Variants in DTHD1 observed in about 807,000 individuals in gnomAD.
The protein encoded by DTHD1 is death domain containing 1.
In DTHD1, 59 loss-of-function variants were observed where a neutral mutation model predicts 74.8. The ratio of observed to expected loss-of-function variants is 0.79; its 90% CI spans 0.64 to 0.98. The LOEUF (loss-of-function observed/expected upper bound fraction) is 0.98. DTHD1 is among the 50% of genes least tolerant of loss of function. The probability of loss-of-function intolerance (pLI) is 0.00; values close to 1 mark genes in which losing one functional copy is unlikely to be tolerated. For missense variants in DTHD1, 1,051 were observed against 1,065.4 expected, an observed-to-expected ratio of 0.99 and a Z score of 0.19; for synonymous variants, 365 against 371.1, an observed-to-expected ratio of 0.98 and a Z score of 0.19.
At chr4:36,333,849 T>G (rs1238384592) in intron 8 of DTHD1, 5 of 151,870 alleles carry the variant, frequency 3.3e-5, no homozygotes, top group Non-Finnish European at 7.4e-5. Context: ...GCCAAGAGAG[T>G]AAAGCCCATG....
chr4:36,296,640 T>C (rs1386232786), intron 5 of DTHD1, among the ~76,000 whole-genome samples: 2 of 152,198 alleles, frequency 1.3e-5, no homozygotes, highest in Non-Finnish European at 2.9e-5. Context: ...AATCTTCCTT[T>C]GATATTTTTA....
intron 3 of DTHD1, among the ~76,000 whole-genome samples, chr4:36,291,527 A>G (rs1389900532): frequency 6.6e-6 from 1 of 152,202 alleles, no homozygotes; most frequent in Non-Finnish European, 1.5e-5. Context: ...GAATATAACA[A>G]CTATTAAATT....
At chr4:36,300,560 C>A (rs1275561001) in intron 5 of DTHD1, among the ~76,000 whole-genome samples, 1 of 152,106 alleles carries the variant, frequency 6.6e-6, no homozygotes, top group Non-Finnish European at 1.5e-5. Context: ...TCAAAAAATT[C>A]TTTTAAAAGT....
intron 8 of DTHD1, among the ~76,000 whole-genome samples, chr4:36,324,394 T>C (rs1205769160): frequency 6.6e-6 from 1 of 152,210 alleles, no homozygotes; most frequent in Non-Finnish European, 1.5e-5. Flanking sequence ...TGATTTTTCT[T>C]TTACAAAGGA....
chr4:36,339,249 A>C, intron 9 of DTHD1, 80 bp downstream of exon 9: 1 of 993,702 alleles, frequency 1.0e-6, no homozygotes, highest in Admixed American at 3.0e-5. Context: ...CATTTCATAA[A>C]AAGGAATGGA....
rs766699282 is a variant in DTHD1 at position 36,306,247 on chromosome 4, T to C, written c.1700T>C (p.Leu567Ser). ...AAAAATGCCAGTGAATGTTTGAAAT[T>C]ACTGGGATTCAGAAGCCAAGACAGT... Reference protein sequence around the residue: ...PRKNASECLKLLGFRSQDSGW... With the variant: ...PRKNASECLKSLGFRSQDSGW... The change falls in exon 6 of 10, where the codon TTA (leucine) becomes TCA (serine). Residue 567 changes from leucine (L) to serine (S), a missense_variant. By Grantham distance (145) the Leu-to-Ser change is moderately radical (BLOSUM62 -2). Coordinates refer to ENST00000639862, the MANE Select transcript of DTHD1 (RefSeq NM_001170700.3). The C allele has an allele frequency of 8.4e-6, 13 of 1,551,758 alleles. No homozygotes were observed. In the East Asian group the frequency reaches 1.2e-4, roughly 15 times the overall value.
At chr4:36,318,645 C>T (rs1450014335) in intron 8 of DTHD1, among the ~76,000 whole-genome samples, 3 of 120,984 alleles carry the variant, frequency 2.5e-5, no homozygotes, top group Non-Finnish European at 4.7e-5. Flanking sequence ...GACGGAGTCT[C>T]GCTCTGTCGC....
In DTHD1 at chr4:36,316,364, G is replaced by C. The variant is rs371705837; in HGVS notation, c.2218G>C (p.Gly740Arg). The C allele has an allele frequency of 1.5e-5, 24 of 1,552,100 alleles. No individual in the cohort carries two copies. In the African/African-American group the frequency reaches 3.0e-4, roughly 19 times the overall value. The change falls in exon 8 of 10, where the codon GGC becomes CGC. Residue 740 changes from glycine to arginine, a missense_variant. Transcript: ENST00000639862. ...AAACTATAGTTGCCCTCATTACAAA[G>C]GCACCATTGTCGTTTATAAAGTACC... is the stretch of plus-strand genomic sequence containing the variant. Reference protein sequence around the residue: ...FGNYSCPHYKGTIVVYKVPKG... With the variant: ...FGNYSCPHYKRTIVVYKVPKG...
rs73119370 is a variant in DTHD1 at position 36,319,105 on chromosome 4, C to T, written c.2340+2619C>T. Among the ~76,000 whole-genome samples the T allele has an allele frequency of 2.3e-3, 349 of 152,256 alleles. 2 individuals are homozygous for T. The highest frequency in any genetic ancestry group is 7.9e-3 in the African/African-American group (330 of 41,550). On this transcript the variant is annotated intron_variant, in intron 8 of 9. Transcript: ENST00000639862. ...ACTTTTTTAACTTGTTACCCTTTCT[C>T]GATTTACTTCCTAACACTCATCATT...
chr4:36,312,104 T>C (rs907532730), intron 7 of DTHD1, among the ~76,000 whole-genome samples: 2 of 152,158 alleles, frequency 1.3e-5, no homozygotes, highest in African/African-American at 2.4e-5. Context: ...TTTCATTCTC[T>C]AGGTTAGAGT....
At chr4:36,332,131 G>T (rs1758717388) in intron 8 of DTHD1, among the ~76,000 whole-genome samples, 1 of 151,832 alleles carries the variant, frequency 6.6e-6, no homozygotes, top group African/African-American at 2.4e-5. Flanking sequence ...GTTGCAGTGA[G>T]TCGAGATCAC....
At chr4:36,295,073 A>T in intron 5 of DTHD1, 34 bp downstream of exon 5, 2 of 1,470,418 alleles carry the variant, frequency 1.4e-6, no homozygotes, top group Non-Finnish European at 9.1e-7. Context: ...AACTGGCTTA[A>T]TGTCAAACAA....
At position 36,284,008 on chromosome 4, in the gene DTHD1, A is replaced by G. The variant is rs1338579080; in HGVS notation, c.304A>G (p.Ile102Val). 2.0e-6 allele frequency: 3 copies of G among 1,536,698 alleles called. No individual in the cohort carries two copies. The highest frequency in any genetic ancestry group is 2.4e-5 in the East Asian group (1 of 40,922). The change falls in exon 2 of 10, where the codon ATA becomes GTA. Residue 102 changes from isoleucine to valine, a missense_variant. Physicochemically the swap from Ile to Val is conservative, Grantham distance 29 (BLOSUM62 3). Coordinates refer to ENST00000639862, the MANE Select transcript of DTHD1 (RefSeq NM_001170700.3). ...IITFIDCLIK[I>V]TEHLGSTAAL... ...TACTTTCATAGACTGCCTCATAAAAATAACTGAACATTTGGGGAGCACTGC... is the reference window on the plus strand; with the variant it reads ...TACTTTCATAGACTGCCTCATAAAAGTAACTGAACATTTGGGGAGCACTGC...
intron 5 of DTHD1, among the ~76,000 whole-genome samples, chr4:36,299,509 T>C (rs1033905668): frequency 6.6e-6 from 1 of 152,210 alleles, no homozygotes; most frequent in African/African-American, 2.4e-5. Context: ...AATTTTAAAC[T>C]TTTTCTGAAT....
At chr4:36,326,439 AG>A (rs1162414070) in intron 8 of DTHD1, among the ~76,000 whole-genome samples, 2 of 151,442 alleles carry the variant, frequency 1.3e-5, no homozygotes, top group African/African-American at 4.8e-5. Context: ...CTTAAATAAA[AG>A]TTTCTTCATT....
chr4:36,322,961 G>A (rs1758127010), intron 8 of DTHD1, among the ~76,000 whole-genome samples: 1 of 152,186 alleles, frequency 6.6e-6, no homozygotes, highest in Non-Finnish European at 1.5e-5. Flanking sequence ...CCAGATAGGT[G>A]ACTATATGCC....
At chr4:36,322,671 G>A (rs1047175387) in intron 8 of DTHD1, among the ~76,000 whole-genome samples, 1 of 152,116 alleles carries the variant, frequency 6.6e-6, no homozygotes. Flanking sequence ...TAAGCGTCCT[G>A]GTGATACTTC....
chr4:36,305,251 C>T (rs1311631848), intron 5 of DTHD1, among the ~76,000 whole-genome samples: 1 of 152,080 alleles, frequency 6.6e-6, no homozygotes, highest in Non-Finnish European at 1.5e-5. Context: ...TTTCATGCCA[C>T]TGATAAAGAC....
intron 8 of DTHD1, among the ~76,000 whole-genome samples, chr4:36,323,294 T>C (rs1269131471): frequency 3.3e-5 from 5 of 152,210 alleles, no homozygotes; most frequent in Admixed American, 2.6e-4. Context: ...AGCAGGCAGA[T>C]GGCAGTGCAA....
Sources: allele counts gnomAD v4.1 joint callset (sites outside exome capture counted in the v4.1 genomes callset), GRCh38; gene constraint gnomAD v4.1.1; transcripts MANE v1.5; gene names NCBI Gene and HGNC (gene_info 2026-07-23, HGNC 2026-07-21).